MEGF11: variants seen among roughly 807,000 people sequenced by gnomAD.
MEGF11 encodes multiple EGF like domains 11.
MEGF11 carries 126 observed loss-of-function variants against 146.6 expected under a neutral mutation model. That is an observed-to-expected ratio of 0.86 (90% CI 0.74 to 1.00). MEGF11 has a LOEUF of 1.00. MEGF11 is among the 50% of genes least tolerant of loss of function. The pLI is 0.00. For synonymous variants in MEGF11, 532 were observed against 583.4 expected, an observed-to-expected ratio of 0.91 and a Z score of 1.27; for missense variants, 1,509 against 1,521.2, an observed-to-expected ratio of 0.99 and a Z score of 0.13.
intron 1 of MEGF11, among the ~76,000 whole-genome samples, chr15:66,195,467 C>T (rs949280489): frequency 1.3e-5 from 2 of 152,168 alleles, no homozygotes; most frequent in Non-Finnish European, 2.9e-5. Context: ...CACAAGCAAA[C>T]CTAAGACAAA....
chr15:65,916,856 A>T lies in MEGF11; in HGVS notation c.2187T>A (p.Pro729=). 1 of 1,604,062 alleles carries T rather than the reference A, an allele frequency of 6.2e-7. No homozygotes were observed. Among genetic ancestry groups the T allele is most frequent in the Non-Finnish European group, 8.5e-7 (1 of 1,173,466 alleles). Reference sequence around the variant, plus strand: ...GTGTGCAGAAGAGTCCAGTCCAGCCAGGGGTGCAGTGGCAGGCCCCGTCCT... The same window carrying T: ...GTGTGCAGAAGAGTCCAGTCCAGCCTGGGGTGCAGTGGCAGGCCCCGTCCT... The part of the protein sequence containing the change: ...SAEDGACHCT[P]GWTGLFCTQR... Residue 729 remains proline (P), a synonymous_variant, in exon 17 of 26, where the codon CCT becomes CCA. Transcript: ENST00000395614.
At chr15:66,045,834 G>T (rs1032336756) in intron 5 of MEGF11, among the ~76,000 whole-genome samples, 2 of 152,112 alleles carry the variant, frequency 1.3e-5, no homozygotes, top group Non-Finnish European at 1.5e-5. Flanking sequence ...TAGGCACGGT[G>T]GCTCACGACT....
chr15:65,967,641 G>C (rs2081151519), intron 8 of MEGF11, among the ~76,000 whole-genome samples: 1 of 152,066 alleles, frequency 6.6e-6, no homozygotes, highest in African/African-American at 2.4e-5. Context: ...CCAGTGTGTG[G>C]GGCACCAGCC....
Position 66,065,260 on chromosome 15 carries a change from T to C in MEGF11, c.394+29142A>G, listed in dbSNP as rs746528556. Among the ~76,000 whole-genome samples the C allele has an allele frequency of 5.8e-4, 86 of 147,524 alleles. 1 individual carries two copies. Among genetic ancestry groups the C allele is most frequent in the Non-Finnish European group, 9.1e-4 (61 of 67,234 alleles). ...GCAGCATACACAATAAGCTAGGAAA[T>C]GATGGAACATAAACCAGGAGTCTAT... On this transcript the variant is annotated intron_variant, in intron 5 of 25. Transcript: ENST00000395614.
chr15:66,101,796 T>C (rs2086820802), intron 4 of MEGF11, among the ~76,000 whole-genome samples: 1 of 152,230 alleles, frequency 6.6e-6, no homozygotes, highest in East Asian at 1.9e-4. Flanking sequence ...AGGGCAATGC[T>C]GAGCCCCAAA....
chr15:65,981,760 A>G (rs1237247167), intron 6 of MEGF11, among the ~76,000 whole-genome samples: 2 of 152,154 alleles, frequency 1.3e-5, no homozygotes, highest in African/African-American at 2.4e-5. Flanking sequence ...AGGAACAGGC[A>G]GAGTAATCCT....
At chr15:65,905,781 C>T (rs1041962532) in intron 24 of MEGF11, 2 of 269,782 alleles carry the variant, frequency 7.4e-6, no homozygotes, top group Non-Finnish European at 1.4e-5. Flanking sequence ...CAATTTAACT[C>T]GTACTAATTG....
At chr15:65,898,316 T>A in intron 25 of MEGF11, 1 of 985,376 alleles carries the variant, frequency 1.0e-6, no homozygotes. Context: ...ATTTAAAATA[T>A]CCTAGAGGTA....
At chr15:66,187,824 C>T (rs2090752085) in intron 1 of MEGF11, among the ~76,000 whole-genome samples, 1 of 152,230 alleles carries the variant, frequency 6.6e-6, no homozygotes, top group Non-Finnish European at 1.5e-5. Context: ...CAGCCGGCAT[C>T]ATACCTATGG....
At chr15:66,239,838 G>C (rs1856007124) in intron 1 of MEGF11, among the ~76,000 whole-genome samples, 2 of 152,324 alleles carry the variant, frequency 1.3e-5, no homozygotes, top group South Asian at 4.1e-4. Flanking sequence ...ATATGACCCG[G>C]AGGTGCAAGG....
intron 1 of MEGF11, among the ~76,000 whole-genome samples, chr15:66,140,833 TG>T (rs1385107371): frequency 6.6e-6 from 1 of 152,142 alleles, no homozygotes; most frequent in Non-Finnish European, 1.5e-5. Context: ...GAAGCGGGCC[TG>T]GAAGTCTGAG....
chr15:65,912,344 A>G (rs2078839114), intron 20 of MEGF11, 144 bp from the exon 21 acceptor site: 1 of 425,252 alleles, frequency 2.4e-6, no homozygotes, highest in Non-Finnish European at 4.0e-6. Flanking sequence ...GCTTCCTGGC[A>G]TCCACTACTC....
In MEGF11 at chr15:65,982,547, G is replaced by A. The variant is rs1333744714; in HGVS notation, c.395-59C>T. Reference sequence around the variant, plus strand: ...CCCGAAGGCTCTCCTTGGGGCAGGGGCCAGGAACCGATGCCCATGCGGCCT... The same window carrying A: ...CCCGAAGGCTCTCCTTGGGGCAGGGACCAGGAACCGATGCCCATGCGGCCT... On this transcript the variant is annotated intron_variant, in intron 5 of 25. Coordinates refer to ENST00000395614, the MANE Select transcript of MEGF11 (RefSeq NM_001385028.1). The surrounding 1 kb of genome is among the most constrained non-coding windows in gnomAD (Gnocchi z 5.6). The A allele has an allele frequency of 2.8e-6, 4 of 1,416,832 alleles. No individual in the cohort carries two copies. In the African/African-American group the frequency reaches 6.0e-5, roughly 21 times the overall value. 87.8% of individuals were successfully genotyped at this position (1,416,832 alleles called of 1,614,324 possible).
At chr15:66,059,419 G>A (rs1232690624) in intron 5 of MEGF11, among the ~76,000 whole-genome samples, 1 of 152,180 alleles carries the variant, frequency 6.6e-6, no homozygotes, top group Non-Finnish European at 1.5e-5. Context: ...GGGTTTTAAT[G>A]GTCCTAGGCA....
intron 5 of MEGF11, among the ~76,000 whole-genome samples, chr15:66,066,321 G>A (rs193293216): frequency 6.6e-6 from 1 of 152,076 alleles, no homozygotes; most frequent in Admixed American, 6.5e-5. Flanking sequence ...CCCCCCAGTT[G>A]GTTGCTGACC....
chr15:66,052,071 G>A (rs890971159), intron 5 of MEGF11, among the ~76,000 whole-genome samples: 10 of 152,174 alleles, frequency 6.6e-5, no homozygotes, highest in East Asian at 1.9e-4. Flanking sequence ...CAACAGAGGC[G>A]CACAGGTGAG....
At chr15:66,139,686 C>G (rs1025319319) in intron 1 of MEGF11, among the ~76,000 whole-genome samples, 2 of 151,834 alleles carry the variant, frequency 1.3e-5, no homozygotes, top group African/African-American at 4.8e-5. Flanking sequence ...GCAACTGAAG[C>G]CTGTGCTTCC....
chr15:65,898,851 G>C lies in MEGF11; in HGVS notation c.3139C>G (p.Pro1047Ala). The C allele has an allele frequency of 6.2e-7, 1 of 1,614,006 alleles. No homozygotes were observed. The highest frequency in any genetic ancestry group is 8.5e-7 in the Non-Finnish European group (1 of 1,179,874). ...ENPYATIKDP[P>A]ILTCKLPESS... ...TCTGGAAGCTTGCAGGTGAGGATGG[G>C]TGGGTCCTTAATTGTGGCGTAAGGG... The change falls in exon 25 of 26, where the codon CCC becomes GCC. Residue 1047 changes from proline (P) to alanine (A), a missense_variant. Pro to Ala is a conservative substitution (Grantham distance 27). Coordinates refer to ENST00000395614, the MANE Select transcript of MEGF11 (RefSeq NM_001385028.1).
At position 65,930,827 on chromosome 15, in the gene MEGF11, C is replaced by T; in HGVS notation, c.1404G>A (p.Lys468=). ...CSPVDGSCTC[K]EGWQGLDCTL... ...TTGGGAGAGAGGGCACATTACCTTC[C>T]TTGCAGGTACAGGAGCCATCTACTG... The change falls in exon 11 of 26, where the codon AAG becomes AAA. Residue 468 remains lysine (K), a synonymous_variant. Coordinates refer to ENST00000395614, the MANE Select transcript of MEGF11 (RefSeq NM_001385028.1). The T allele has an allele frequency of 6.2e-7, 1 of 1,606,528 alleles. No individual in the cohort carries two copies. The highest frequency in any genetic ancestry group is 1.1e-5 in the South Asian group (1 of 89,840).
Sources: allele counts gnomAD v4.1 joint callset (sites outside exome capture counted in the v4.1 genomes callset), GRCh38; gene constraint gnomAD v4.1.1; non-coding constraint Gnocchi (gnomAD v3.1); transcripts MANE v1.5; gene names NCBI Gene and HGNC (gene_info 2026-07-23, HGNC 2026-07-21).